The following TEX9 variants were observed in gnomAD, a reference collection of about 807,000 sequenced individuals.
TEX9 encodes testis expressed 9, also known as testis-expressed protein 9.
In TEX9, 74 loss-of-function variants were observed where a neutral mutation model predicts 59.6. The ratio of observed to expected loss-of-function variants is 1.24; its 90% confidence interval spans 1.03 to 1.51. TEX9 has a LOEUF of 1.51. TEX9 is among the 40% of genes most tolerant of loss of function. TEX9 has a pLI of 0.00. For missense variants in TEX9, 522 were observed against 447.8 expected, an observed-to-expected ratio of 1.17 and a Z score of -1.49; for synonymous variants, 186 against 152.2, an observed-to-expected ratio of 1.22 and a Z score of -1.64.
At chr15:56,363,383 G>A (rs1254254548), upstream of TEX9, among the ~76,000 whole-genome samples, 1 of 151,686 alleles carries the variant, frequency 6.6e-6, no homozygotes, top group Non-Finnish European at 1.5e-5. Context: ...TGGCCAGGCT[G>A]GTCTCAAACT....
rs145233164 is a variant in TEX9, at chr15:56,318,766, T to C, written c.-106-54675T>C. On this transcript the variant is annotated intron_variant, in intron 1 of 5. Transcript: ENST00000560827. ...AGCAATCAAGTTCAGATTAATACCATTGTAATTTTAATAGTATATAAAAAT... is the reference window on the plus strand; with the variant it reads ...AGCAATCAAGTTCAGATTAATACCACTGTAATTTTAATAGTATATAAAAAT... Among the ~76,000 whole-genome samples, 29 of 152,280 alleles carry C rather than the reference T, an allele frequency of 1.9e-4. No individual in the cohort carries two copies. In the East Asian group the frequency reaches 3.9e-3, roughly 20 times the overall value.
intron 1 of TEX9, among the ~76,000 whole-genome samples, chr15:56,347,749 A>G (rs1230886615): frequency 6.6e-6 from 1 of 152,146 alleles, no homozygotes; most frequent in Non-Finnish European, 1.5e-5. Context: ...CTATAAAAAG[A>G]AAAACTGATA....
intron 10 of TEX9, among the ~76,000 whole-genome samples, chr15:56,418,953 T>C (rs189204894): frequency 6.6e-6 from 1 of 152,046 alleles, no homozygotes; most frequent in East Asian, 1.9e-4. Flanking sequence ...ATTTGGAGTT[T>C]TGATAGGCAT....
intron 1 of TEX9, among the ~76,000 whole-genome samples, chr15:56,304,220 T>G (rs76255921): frequency 0.044 from 6,684 of 152,278 alleles, 220 homozygotes; most frequent in Admixed American, 0.086. Context: ...TCCTTTCCAA[T>G]TTGGACGCCC....
At chr15:56,427,051 T>C (rs1445707416) in intron 10 of TEX9, among the ~76,000 whole-genome samples, 2 of 152,072 alleles carry the variant, frequency 1.3e-5, no homozygotes, top group Non-Finnish European at 2.9e-5. Context: ...TCTGTTTTTC[T>C]AGAATTTTGT....
chr15:56,264,507 A>G (rs2044336420), intron 1 of TEX9, among the ~76,000 whole-genome samples: 1 of 152,178 alleles, frequency 6.6e-6, no homozygotes, highest in South Asian at 2.1e-4. Flanking sequence ...AGTTTTTCAG[A>G]TATTTTTCTC....
At chr15:56,423,193 T>C (rs1194339095) in intron 10 of TEX9, among the ~76,000 whole-genome samples, 1 of 152,166 alleles carries the variant, frequency 6.6e-6, no homozygotes. Context: ...GAAATCTTCT[T>C]TCCTAATGTA....
At chr15:56,428,100 A>T (rs1289459823) in intron 11 of TEX9, among the ~76,000 whole-genome samples, 1 of 152,080 alleles carries the variant, frequency 6.6e-6, no homozygotes, top group African/African-American at 2.4e-5. Context: ...TTCTCTAAAA[A>T]TTCATAGTTC....
chr15:56,375,802 CA>C (rs374126162), intron 3 of TEX9, among the ~76,000 whole-genome samples: 4,712 of 151,446 alleles, frequency 0.031, 174 homozygotes, highest in East Asian at 0.095. Context: ...TTCACAATAG[CA>C]AAGACTTGGA....
At chr15:56,314,637 G>A (rs1411552056) in intron 1 of TEX9, among the ~76,000 whole-genome samples, 3 of 152,138 alleles carry the variant, frequency 2.0e-5, no homozygotes, top group African/African-American at 7.2e-5. Flanking sequence ...TTGATTTGGG[G>A]TGGAGAGTTC....
At chr15:56,282,337 C>T (rs755888061) in intron 1 of TEX9, among the ~76,000 whole-genome samples, 1 of 152,080 alleles carries the variant, frequency 6.6e-6, no homozygotes, top group Non-Finnish European at 1.5e-5. Context: ...TAGAAGTAAA[C>T]AGTCACCTTC....
At chr15:56,314,909 C>T (rs1378775753) in intron 1 of TEX9, among the ~76,000 whole-genome samples, 1 of 151,524 alleles carries the variant, frequency 6.6e-6, no homozygotes, top group Non-Finnish European at 1.5e-5. Flanking sequence ...ATGTAATGGC[C>T]TTCTTTGTCT....
chr15:56,453,971 T>A, the TEX9 span, among the ~76,000 whole-genome samples: 1 of 152,148 alleles, frequency 6.6e-6, no homozygotes, highest in African/African-American at 2.4e-5. Flanking sequence ...CCAGAGCAGT[T>A]CCCTGAATTT....
rs73415835 is a variant in TEX9, at chr15:56,442,632, G to A, written c.*30-3039G>A. Reference sequence around the variant, plus strand: ...AGGCCATTAGCCTATGCTAATTAATGCAGGGATAGAAAACCAAATACTACA... The same window carrying A: ...AGGCCATTAGCCTATGCTAATTAATACAGGGATAGAAAACCAAATACTACA... On this transcript the variant is annotated intron_variant, in intron 12 of 12. Transcript: ENST00000352903. 3.8e-3 allele frequency among the ~76,000 whole-genome samples: 586 copies of A among 152,304 alleles called. 3 individuals carry two copies. The highest frequency in any genetic ancestry group is 0.014 in the African/African-American group (566 of 41,574).
chr15:56,333,666 C>A (rs982227536), intron 1 of TEX9, among the ~76,000 whole-genome samples: 1 of 151,952 alleles, frequency 6.6e-6, no homozygotes, highest in African/African-American at 2.4e-5. Context: ...TACTTGAAGT[C>A]CTAGCTAGAG....
intron 9 of TEX9, among the ~76,000 whole-genome samples, chr15:56,408,223 C>T (rs1410772140): frequency 5.9e-5 from 9 of 152,154 alleles, no homozygotes; most frequent in African/African-American, 2.2e-4. Flanking sequence ...CCATCTCTAC[C>T]CTGCCATTGA....
intron 1 of TEX9, among the ~76,000 whole-genome samples, chr15:56,266,397 A>G (rs2044383078): frequency 1.3e-5 from 2 of 151,590 alleles, no homozygotes; most frequent in Admixed American, 1.3e-4. Context: ...ACATATGTAT[A>G]CATGTGCCGT....
chr15:56,327,934 A>C (rs1246159050), intron 1 of TEX9, among the ~76,000 whole-genome samples: 1 of 152,124 alleles, frequency 6.6e-6, no homozygotes, highest in Non-Finnish European at 1.5e-5. Context: ...ACTCTTAGGC[A>C]AGTCGTAGTG....
At chr15:56,337,053 G>C (rs1166325144) in intron 1 of TEX9, among the ~76,000 whole-genome samples, 1 of 152,160 alleles carries the variant, frequency 6.6e-6, no homozygotes, top group Non-Finnish European at 1.5e-5. Context: ...TCATGTAATA[G>C]TTATTTCGCA....
Sources: gnomAD v4.1 joint callset for allele counts (sites outside exome capture counted in the v4.1 genomes callset) on GRCh38, gnomAD v4.1.1 for gene constraint, MANE v1.5 for transcripts, NCBI Gene and HGNC (gene_info 2026-07-23, HGNC 2026-07-21) for gene names.